PCDHGA2: variants seen among roughly 807,000 people sequenced by gnomAD.
PCDHGA2 encodes protocadherin gamma-A2.
PCDHGA2 carries 40 observed loss-of-function variants against 59.2 expected under a neutral mutation model. The observed-to-expected ratio is 0.68, with a 90% CI of 0.52 to 0.88. The LOEUF (loss-of-function observed/expected upper bound fraction) is 0.88, where lower values mean the gene tolerates loss of function less well. Ranked by LOEUF, PCDHGA2 falls within the 40% of genes least tolerant of loss-of-function variation. The probability of loss-of-function intolerance (pLI) is 0.00; values close to 1 mark genes in which losing one functional copy is unlikely to be tolerated. For synonymous variants in PCDHGA2, 560 were observed against 526.0 expected, an observed-to-expected ratio of 1.06 and a Z score of -0.89; for missense variants, 1,226 against 1,204.0, an observed-to-expected ratio of 1.02 and a Z score of -0.27.
At chr5:141,414,233 T>A in intron 1 of PCDHGA2, 1 of 1,613,474 alleles carries the variant, frequency 6.2e-7, no homozygotes, top group Non-Finnish European at 8.5e-7. Flanking sequence ...GAGCTGACCA[T>A]CACGTCTCTA....
In PCDHGA2 at chr5:141,491,893, G is replaced by A; in HGVS notation, c.2425-2914G>A. The stretch of plus-strand genomic sequence containing the variant: ...GGCCGATTAAGGGATGGGGCTCCGA[G>A]CACCGGGGGTGGTGGCGACTGTGGG... On this transcript the variant is annotated intron_variant, in intron 1 of 3. Transcript: ENST00000394576. This position sits in a 1 kb window ranked among gnomAD's most constrained non-coding sequence, Gnocchi z 6.9. 9 of 1,438,856 alleles carry A rather than the reference G, an allele frequency of 6.3e-6. No individual in the cohort carries two copies. Among genetic ancestry groups the A allele is most frequent in the Non-Finnish European group, 8.3e-6 (9 of 1,088,104 alleles). 89.1% of individuals were successfully genotyped at this position (1,438,856 alleles called of 1,614,324 possible). A position where few individuals can be genotyped will look rare whatever the true frequency, so the allele number is the denominator to read the frequency against.
At chr5:141,450,832 T>TTA (rs764784095) in intron 1 of PCDHGA2, among the ~76,000 whole-genome samples, 6,304 of 142,274 alleles carry the variant, frequency 0.044, 222 homozygotes, top group African/African-American at 0.11. Context: ...TATTATTATT[T>TTA]TTTTTTTTTT....
At chr5:141,344,263 T>A (rs370212057) in intron 1 of PCDHGA2, 1 of 1,614,066 alleles carries the variant, frequency 6.2e-7, no homozygotes, top group South Asian at 1.1e-5. Context: ...CTTTTCTCTC[T>A]GAATCCGCAA....
chr5:141,430,637 G>A (rs2097298854), intron 1 of PCDHGA2: 1 of 890,676 alleles, frequency 1.1e-6, no homozygotes, highest in Admixed American at 2.8e-5. Context: ...ACCATCCCTG[G>A]GAGTATGTGG....
rs112808093 is a variant in PCDHGA2, at chr5:141,489,579, C to T, written c.2425-5228C>T. On this transcript the variant is annotated intron_variant, in intron 1 of 3. Transcript: ENST00000394576. The surrounding 1 kb of genome is among the most constrained non-coding windows in gnomAD (Gnocchi z 4.5). ...CAGTGCAGGTGGTGACTGAACACCC[C>T]CTGGAGCTAATCCGTGTAGAGGTAG... is the stretch of plus-strand genomic sequence containing the variant. 211 of 1,614,038 alleles carry T rather than the reference C, an allele frequency of 1.3e-4. 1 individual carries two copies. In the African/African-American group the frequency reaches 1.7e-3, roughly 13 times the overall value.
chr5:141,351,986 C>A lies in PCDHGA2; in HGVS notation c.2424+10591C>A, dbSNP rs776609502. ...CTCCGCCCTCTTCGATATGGTGCCACGCGCCGCAGAGCCCGGCTACCTGGT... is the reference window on the plus strand; with the variant it reads ...CTCCGCCCTCTTCGATATGGTGCCAAGCGCCGCAGAGCCCGGCTACCTGGT... On this transcript the variant is annotated intron_variant, in intron 1 of 3. Transcript: ENST00000394576. 3.7e-6 allele frequency: 6 copies of A among 1,611,658 alleles called. No individual in the cohort carries two copies. The highest frequency in any genetic ancestry group is 5.1e-6 in the Non-Finnish European group (6 of 1,179,586).
intron 1 of PCDHGA2, chr5:141,394,756 A>T (rs757241753): frequency 1.2e-6 from 2 of 1,613,324 alleles, no homozygotes; most frequent in Non-Finnish European, 1.7e-6. Flanking sequence ...GCCGTCCAGG[A>T]CCATGGCCAG....
chr5:141,491,747 G>C lies in PCDHGA2; in HGVS notation c.2425-3060G>C. 6.3e-7 allele frequency: 1 copy of C among 1,591,872 alleles called. No homozygotes were observed. The highest frequency in any genetic ancestry group is 8.5e-7 in the Non-Finnish European group (1 of 1,170,328). ...CGGGCGACCCCTGGGGGCGGCACTG[G>C]AGAAGCCGCCCGTCCTCATAAGGGA... On this transcript the variant is annotated intron_variant, in intron 1 of 3. Transcript: ENST00000394576. This position sits in a 1 kb window ranked among gnomAD's most constrained non-coding sequence, Gnocchi z 6.9.
Position 141,491,029 on chromosome 5 carries a change from G to T in PCDHGA2, c.2425-3778G>T. 1 of 1,614,172 alleles carries T rather than the reference G, an allele frequency of 6.2e-7. No homozygotes were observed. The highest frequency in any genetic ancestry group is 1.1e-5 in the South Asian group (1 of 91,088). On this transcript the variant is annotated intron_variant, in intron 1 of 3. Coordinates refer to ENST00000394576, the MANE Select transcript of PCDHGA2 (RefSeq NM_018915.4). The surrounding 1 kb of genome is among the most constrained non-coding windows in gnomAD (Gnocchi z 6.9). ...GGTCACCAAGGTGACAGCCGTGGAT[G>T]CTGATGCAGGCCACAATGCGTGGCT...
chr5:141,456,087 C>T (rs1218579202), intron 1 of PCDHGA2, among the ~76,000 whole-genome samples: 1 of 151,886 alleles, frequency 6.6e-6, no homozygotes, highest in Non-Finnish European at 1.5e-5. Context: ...TCAGTAGAGA[C>T]GGGATTTCAC....
intron 1 of PCDHGA2, chr5:141,364,208 T>G: frequency 8.4e-7 from 1 of 1,193,066 alleles, no homozygotes; most frequent in Non-Finnish European, 1.1e-6. Context: ...CCAGACAAGC[T>G]CCTACGAAAA....
Position 141,361,225 on chromosome 5 carries a change from A to G in PCDHGA2, c.2424+19830A>G, listed in dbSNP as rs748119164. 2.5e-6 allele frequency: 4 copies of G among 1,614,030 alleles called. No individual in the cohort carries two copies. In the Middle Eastern group the frequency reaches 4.9e-4, roughly 200 times the overall value. ...CCTACCGGAGGATTCGCCACCAGGAACAGTGATCGCCTTGATAAAAACGAG... is the reference window on the plus strand; with the variant it reads ...CCTACCGGAGGATTCGCCACCAGGAGCAGTGATCGCCTTGATAAAAACGAG... On this transcript the variant is annotated intron_variant, in intron 1 of 3. Transcript: ENST00000394576.
intron 1 of PCDHGA2, 189 bp downstream of exon 1, chr5:141,341,584 G>C (rs2149726029): frequency 1.7e-6 from 2 of 1,169,320 alleles, no homozygotes; most frequent in East Asian, 5.1e-5. Context: ...AGAGACGTGA[G>C]AATCTTTGTG....
At chr5:141,472,980 C>CAAAAAAAAAAAAAAAAGAAAA (rs2099308501) in intron 1 of PCDHGA2, among the ~76,000 whole-genome samples, 1 of 86,106 alleles carries the variant, frequency 1.2e-5, no homozygotes, top group Non-Finnish European at 2.5e-5. Context: ...GAGTGAAACT[C>CAAAAAAAAAAAAAAAAGAAAA]AAAAAAAAAA....
chr5:141,500,184 T>TTTTA (rs58019021), intron 2 of PCDHGA2, among the ~76,000 whole-genome samples: 28,743 of 135,782 alleles, frequency 0.21, 3,285 homozygotes, highest in African/African-American at 0.3. Context: ...TCATTTTTAT[T>TTTTA]TTTATTTATT....
At chr5:141,362,128 G>T (rs1359609195) in intron 1 of PCDHGA2, 2 of 1,613,900 alleles carry the variant, frequency 1.2e-6, no homozygotes, top group Admixed American at 3.3e-5. Flanking sequence ...CCTAATCTTC[G>T]CGGATAGCCT....
intron 1 of PCDHGA2, chr5:141,357,724 T>C (rs1052718500): frequency 1.4e-6 from 2 of 1,392,936 alleles, no homozygotes; most frequent in African/African-American, 2.9e-5. Context: ...AGTTGCCTCT[T>C]TTAATATTTT....
chr5:141,419,754 T>C, intron 1 of PCDHGA2: 1 of 1,613,924 alleles, frequency 6.2e-7, no homozygotes. Flanking sequence ...GTGCGTGCTT[T>C]GGGTGACAAG....
intron 1 of PCDHGA2, chr5:141,389,021 A>G: frequency 6.2e-7 from 1 of 1,614,004 alleles, no homozygotes; most frequent in Non-Finnish European, 8.5e-7. Context: ...ACAATGGAGA[A>G]GTGACTTGTA....
Sources: gnomAD v4.1 joint callset for allele counts (sites outside exome capture counted in the v4.1 genomes callset) on GRCh38, gnomAD v4.1.1 for gene constraint, Gnocchi (gnomAD v3.1) non-coding constraint, MANE v1.5 for transcripts, NCBI Gene and HGNC (gene_info 2026-07-23, HGNC 2026-07-21) for gene names.